KCNQ1: variants seen among roughly 807,000 people sequenced by gnomAD.
The protein encoded by KCNQ1 is potassium voltage-gated channel subfamily Q member 1, also known as potassium voltage-gated channel subfamily KQT member 1.
Under a neutral mutation model 72.4 loss-of-function variants are expected in KCNQ1, and 49 were observed. The ratio of observed to expected loss-of-function variants is 0.68; its 90% CI spans 0.54 to 0.86. The LOEUF (loss-of-function observed/expected upper bound fraction) is 0.86, where lower values mean the gene tolerates loss of function less well. KCNQ1 is among the 40% of genes least tolerant of loss of function. KCNQ1 has a pLI of 0.00. For missense variants in KCNQ1, 790 were observed against 945.1 expected, an observed-to-expected ratio of 0.84 and a Z score of 2.15; for synonymous variants, 450 against 412.6, an observed-to-expected ratio of 1.09 and a Z score of -1.10.
At position 2,746,455 on chromosome 11, in the gene KCNQ1, C is replaced by T. The variant is rs920688705; in HGVS notation, c.1515-22389C>T. Among the ~76,000 whole-genome samples, 1 of 152,200 alleles carries T rather than the reference C, an allele frequency of 6.6e-6. No individual in the cohort carries two copies. Among genetic ancestry groups the T allele is most frequent in the Admixed American group, 6.5e-5 (1 of 15,286 alleles). On this transcript the variant is annotated intron_variant, in intron 11 of 15. Coordinates refer to ENST00000155840, the MANE Select transcript of KCNQ1 (RefSeq NM_000218.3). This position sits in a 1 kb window ranked among gnomAD's most constrained non-coding sequence, Gnocchi z 5.9. ...GGGCCCCACCCAGGGTCCCATGTGA[C>T]ATTCCTCATCCGTCTCCCTGGGCTC...
At chr11:2,512,569 G>A (rs1170494217) in intron 1 of KCNQ1, among the ~76,000 whole-genome samples, 8 of 152,212 alleles carry the variant, frequency 5.3e-5, no homozygotes, top group Non-Finnish European at 8.8e-5. Context: ...GAAGTGTCCC[G>A]CAGTGGCTTC....
intron 1 of KCNQ1, among the ~76,000 whole-genome samples, chr11:2,480,251 C>A (rs1028453322): frequency 1.3e-5 from 2 of 152,296 alleles, no homozygotes; most frequent in Middle Eastern, 3.4e-3. Flanking sequence ...AGCCGCACCC[C>A]ACTCCCAGTA....
chr11:2,713,389 A>T lies in KCNQ1; in HGVS notation c.1514+51308A>T, dbSNP rs1291721032. ...GTGGTTTTTATTGTTTTATTTTATT[A>T]TTCCAGCTATATTACGTTGGGAAGA... On this transcript the variant is annotated intron_variant, in intron 11 of 15. Coordinates refer to ENST00000155840, the MANE Select transcript of KCNQ1 (RefSeq NM_000218.3). The surrounding 1 kb of genome is among the most constrained non-coding windows in gnomAD (Gnocchi z 5.6). Among the ~76,000 whole-genome samples the T allele has an allele frequency of 6.6e-6, 1 of 152,134 alleles. No individual in the cohort carries two copies. The highest frequency in any genetic ancestry group is 1.9e-4 in the East Asian group (1 of 5,198).
chr11:2,726,678 C>A (rs1024437991), intron 11 of KCNQ1, among the ~76,000 whole-genome samples: 2 of 152,136 alleles, frequency 1.3e-5, no homozygotes, highest in African/African-American at 4.8e-5. Context: ...TATTTTCCCC[C>A]AAAATTTTAT....
chr11:2,806,666 G>A (rs1009412552), intron 15 of KCNQ1, among the ~76,000 whole-genome samples: 1 of 152,174 alleles, frequency 6.6e-6, no homozygotes, highest in African/African-American at 2.4e-5. Flanking sequence ...ACCTGTCCTG[G>A]GGGATCCCCA....
At chr11:2,792,254 G>T (rs907650418) in intron 15 of KCNQ1, among the ~76,000 whole-genome samples, 2 of 152,226 alleles carry the variant, frequency 1.3e-5, no homozygotes, top group African/African-American at 2.4e-5. Flanking sequence ...ATAGGAAGGG[G>T]CTGCTCCTTT....
chr11:2,684,832 C>T, intron 11 of KCNQ1: 1 of 398,632 alleles, frequency 2.5e-6, no homozygotes, highest in Non-Finnish European at 4.4e-6. Context: ...CTAGTCAAGG[C>T]CTCCTGTTAT....
intron 11 of KCNQ1, among the ~76,000 whole-genome samples, chr11:2,763,637 A>G (rs1388304836): frequency 1.3e-5 from 2 of 152,250 alleles, no homozygotes; most frequent in Non-Finnish European, 2.9e-5. Context: ...AGCTTACAGC[A>G]GCCTTGAGCT....
At chr11:2,522,544 CGAGACAA>C (rs1314271506) in intron 1 of KCNQ1, among the ~76,000 whole-genome samples, 2 of 152,108 alleles carry the variant, frequency 1.3e-5, no homozygotes, top group Admixed American at 1.3e-4. Flanking sequence ...CAGCTCCGCC[CGAGACAA>C]GAATAGATAA....
At chr11:2,629,932 C>T (rs1309819504) in intron 10 of KCNQ1, 2 of 398,210 alleles carry the variant, frequency 5.0e-6, no homozygotes, top group East Asian at 7.1e-5. Flanking sequence ...TTGCCCAATT[C>T]CTCTGGCTAG....
At position 2,624,121 on chromosome 11, in the gene KCNQ1, GTAGATA is replaced by G. The variant is rs1329982941; in HGVS notation, c.1393+35270_1393+35275del. ...GAATTTTGGCCATTCTAATAAGCGT[GTAGATA>G]TATCACATTTCTTGTTTTAATTTCC... On this transcript the variant is annotated intron_variant, in intron 10 of 15. Transcript: ENST00000155840. The surrounding 1 kb of genome is among the most constrained non-coding windows in gnomAD (Gnocchi z 4.9). The G allele has an allele frequency of 1.3e-5, 5 of 398,404 alleles. No homozygotes were observed. The highest frequency in any genetic ancestry group is 2.2e-5 in the Non-Finnish European group (5 of 226,046). The allele number at this position is 398,404 out of a possible 1,614,324, so 24.7% of individuals were successfully genotyped here.
At chr11:2,570,823 C>G in intron 3 of KCNQ1, 69 bp downstream of exon 3, 2 of 1,595,504 alleles carry the variant, frequency 1.3e-6, no homozygotes, top group African/African-American at 1.3e-5. Flanking sequence ...CACCTCATGA[C>G]CCCTACCAGA....
chr11:2,798,985 G>A (rs1347442470), intron 15 of KCNQ1, among the ~76,000 whole-genome samples: 1 of 152,146 alleles, frequency 6.6e-6, no homozygotes, highest in East Asian at 1.9e-4. Context: ...CACGAGGAAG[G>A]GGACATTAGA....
rs1320175012 is a variant in KCNQ1 at position 2,601,785 on chromosome 11, G to T, written c.1393+12931G>T. Among the ~76,000 whole-genome samples, 1 of 152,204 alleles carries T rather than the reference G, an allele frequency of 6.6e-6. No individual in the cohort carries two copies. Among genetic ancestry groups the T allele is most frequent in the African/African-American group, 2.4e-5 (1 of 41,456 alleles). On this transcript the variant is annotated intron_variant, in intron 10 of 15. Coordinates refer to ENST00000155840, the MANE Select transcript of KCNQ1 (RefSeq NM_000218.3). This position sits in a 1 kb window ranked among gnomAD's most constrained non-coding sequence, Gnocchi z 5.2. ...AGTGCTGAGTGGAGTTTCACGGTAT[G>T]GACATATACCCCAGTTTATTTAACC...
chr11:2,502,656 G>A (rs1347355098), intron 1 of KCNQ1, among the ~76,000 whole-genome samples: 1 of 152,110 alleles, frequency 6.6e-6, no homozygotes, highest in African/African-American at 2.4e-5. Context: ...CAATACCAAT[G>A]ACATTCTTCA....
intron 11 of KCNQ1, chr11:2,686,899 A>G (rs1409777996): frequency 5.0e-6 from 2 of 398,590 alleles, no homozygotes; most frequent in Admixed American, 8.8e-5. Flanking sequence ...CTGAAGATAG[A>G]GGCAACCCAA....
At chr11:2,722,773 C>G (rs1045421517) in intron 11 of KCNQ1, among the ~76,000 whole-genome samples, 7 of 152,142 alleles carry the variant, frequency 4.6e-5, no homozygotes, top group Admixed American at 1.3e-4. Context: ...TAGCTGTGCC[C>G]TGTGACCAAG....
At position 2,671,025 on chromosome 11, in the gene KCNQ1, T is replaced by C. The variant is rs1041962776; in HGVS notation, c.1514+8944T>C. 2.3e-5 allele frequency: 9 copies of C among 398,426 alleles called. No homozygotes were observed. In the Admixed American group the frequency reaches 3.1e-4, roughly 14 times the overall value. The allele number at this position is 398,426 out of a possible 1,614,324, so 24.7% of individuals were successfully genotyped here. ...TGGGCCCTGTTAGGGACAACGTAGG[T>C]GTCCTGGGCAGGGGCTGTATCTGAG... On this transcript the variant is annotated intron_variant, in intron 11 of 15. Coordinates refer to ENST00000155840, the MANE Select transcript of KCNQ1 (RefSeq NM_000218.3). This position sits in a 1 kb window ranked among gnomAD's most constrained non-coding sequence, Gnocchi z 4.7.
In KCNQ1 at chr11:2,611,213, T is replaced by C. The variant is rs543707963; in HGVS notation, c.1393+22359T>C. On this transcript the variant is annotated intron_variant, in intron 10 of 15. Coordinates refer to ENST00000155840, the MANE Select transcript of KCNQ1 (RefSeq NM_000218.3). This position sits in a 1 kb window ranked among gnomAD's most constrained non-coding sequence, Gnocchi z 5.3. ...TGTTTTTAAAGTCTATTTTGTCTGA[T>C]TTTATTTATTTTTATTTTATTTTTG... 1 of 398,448 alleles carries C rather than the reference T, an allele frequency of 2.5e-6. No individual in the cohort carries two copies. The highest frequency in any genetic ancestry group is 4.4e-5 in the Admixed American group (1 of 22,732). 24.7% of individuals were successfully genotyped at this position (398,448 alleles called of 1,614,324 possible). A position where few individuals can be genotyped will look rare whatever the true frequency, so the allele number is the denominator to read the frequency against.
Sources: allele counts gnomAD v4.1 joint callset (sites outside exome capture counted in the v4.1 genomes callset), GRCh38; gene constraint gnomAD v4.1.1; non-coding constraint Gnocchi (gnomAD v3.1); transcripts MANE v1.5; gene names NCBI Gene and HGNC (gene_info 2026-07-23, HGNC 2026-07-21).